The following ACAD11 variants were observed in gnomAD, a reference collection of about 807,000 sequenced individuals.
ACAD11 encodes acyl-Coenzyme A dehydrogenase family, member 11.
In ACAD11, 83 loss-of-function variants were observed where a neutral mutation model predicts 102.2. That is an observed-to-expected ratio of 0.81 (90% confidence interval 0.68 to 0.97). The LOEUF (loss-of-function observed/expected upper bound fraction) is 0.97, where lower values mean the gene tolerates loss of function less well. ACAD11 is among the 50% of genes least tolerant of loss of function. ACAD11 has a pLI of 0.00. For missense variants in ACAD11, 901 were observed against 951.7 expected (o/e 0.95, Z 0.70); for synonymous variants, 324 against 319.8 (o/e 1.01, Z -0.14).
intron 17 of ACAD11, among the ~76,000 whole-genome samples, chr3:132,574,036 G>T (rs1937456175): frequency 6.6e-6 from 1 of 152,172 alleles, no homozygotes. Flanking sequence ...GTGAAAACAG[G>T]CATATTTGTT....
At chr3:132,636,811 G>T (rs183612115) in intron 5 of ACAD11, among the ~76,000 whole-genome samples, 7 of 152,246 alleles carry the variant, frequency 4.6e-5, no homozygotes, top group Admixed American at 4.6e-4. Flanking sequence ...AATATAAAGA[G>T]AACTTTGAGG....
intron 11 of ACAD11, among the ~76,000 whole-genome samples, chr3:132,607,405 A>G (rs1938894833): frequency 6.6e-6 from 1 of 152,222 alleles, no homozygotes; most frequent in South Asian, 2.1e-4. Context: ...GCTAACTAGA[A>G]TAACCAGTTT....
chr3:132,567,702 C>G (rs892146386), intron 17 of ACAD11, among the ~76,000 whole-genome samples: 1 of 152,026 alleles, frequency 6.6e-6, no homozygotes, highest in Admixed American at 6.6e-5. Context: ...AAATGTATAT[C>G]AAATATAATG....
At chr3:132,578,528 T>G (rs532059749) in intron 15 of ACAD11, 1 of 157,602 alleles carries the variant, frequency 6.3e-6, no homozygotes, top group Non-Finnish European at 1.4e-5. Context: ...TGCTCTTCCT[T>G]AAATACAATC....
In ACAD11 at chr3:132,618,658, C is replaced by G. The variant is rs1468376261; in HGVS notation, c.1390G>C (p.Asp464His). ...CCTGGTGCTTGGCAGTTAAAGACAT[C>G]TGGAGCAAAAAAGCATTTTCCTGTT... is the stretch of plus-strand genomic sequence containing the variant. Reference protein sequence around the residue: ...EETGKCFFAPDVFNCQAPDTG... With the variant: ...EETGKCFFAPHVFNCQAPDTG... The change falls in exon 11 of 20, where the codon GAT (aspartate) becomes CAT (histidine). Residue 464 changes from aspartate to histidine, a missense_variant. Transcript: ENST00000264990. 2 of 1,605,290 alleles carry G rather than the reference C, an allele frequency of 1.2e-6. No individual in the cohort carries two copies. The highest frequency in any genetic ancestry group is 1.7e-6 in the Non-Finnish European group (2 of 1,176,670).
intron 13 of ACAD11, among the ~76,000 whole-genome samples, chr3:132,593,689 G>C (rs971334014): frequency 6.6e-6 from 1 of 152,182 alleles, no homozygotes; most frequent in Non-Finnish European, 1.5e-5. Flanking sequence ...TGGATTGTTT[G>C]AGTCTAGGAG....
chr3:132,588,870 C>A (rs1288508864), intron 13 of ACAD11, among the ~76,000 whole-genome samples: 1 of 152,082 alleles, frequency 6.6e-6, no homozygotes, highest in East Asian at 1.9e-4. Flanking sequence ...GAAATATGTC[C>A]TTTTGATTTT....
chr3:132,611,217 C>T (rs962703619), intron 11 of ACAD11, among the ~76,000 whole-genome samples: 8 of 152,032 alleles, frequency 5.3e-5, no homozygotes, highest in Non-Finnish European at 2.9e-5. Flanking sequence ...ATCAATGGGA[C>T]GTATCTCAAA....
chr3:132,639,372 C>G (rs1362655115), intron 5 of ACAD11, 120 bp downstream of exon 5: 15 of 971,838 alleles, frequency 1.5e-5, no homozygotes, highest in Non-Finnish European at 2.1e-5. Flanking sequence ...GACGACAGTC[C>G]TGAGCTGTAG....
intron 13 of ACAD11, chr3:132,597,406 A>C (rs925276449): frequency 2.6e-5 from 4 of 151,502 alleles, no homozygotes; most frequent in African/African-American, 4.8e-5. Flanking sequence ...ATATAGATGG[A>C]GTCTTGATGC....
At chr3:132,620,556 G>A (rs1426885962) in intron 9 of ACAD11, 4 of 152,202 alleles carry the variant, frequency 2.6e-5, no homozygotes, top group African/African-American at 9.6e-5. Context: ...AGATGGAATT[G>A]CACTTCCCAA....
At chr3:132,642,849 T>A in intron 2 of ACAD11, 47 bp from the exon 3 acceptor site, 2 of 1,572,370 alleles carry the variant, frequency 1.3e-6, no homozygotes, top group Non-Finnish European at 1.7e-6. Flanking sequence ...CTGATTTAAT[T>A]GTAATTAAAT....
intron 7 of ACAD11, among the ~76,000 whole-genome samples, chr3:132,629,964 T>C (rs1939972668): frequency 6.6e-6 from 1 of 152,010 alleles, no homozygotes; most frequent in Non-Finnish European, 1.5e-5. Flanking sequence ...AATAAAAAAA[T>C]CTTACTCATC....
chr3:132,656,413 T>C (rs975359419), intron 1 of ACAD11, among the ~76,000 whole-genome samples: 1 of 152,160 alleles, frequency 6.6e-6, no homozygotes. Context: ...TCATGTTGAG[T>C]TATTTTTCAA....
Position 132,639,608 on chromosome 3 carries a change from G to A in ACAD11, c.586C>T (p.Pro196Ser), listed in dbSNP as rs764113875. Residue 196 changes from proline (P) to serine (S), a missense_variant, in exon 5 of 20, where the codon CCT becomes TCT. Pro to Ser is a moderately conservative substitution (Grantham distance 74, BLOSUM62 -1). Coordinates refer to ENST00000264990, the MANE Select transcript of ACAD11 (RefSeq NM_032169.5). ...QYQAAAHQDI[P>S]AMQQLSEWLM... Reference sequence around the variant, plus strand: ...CACTCCGATAGCTGTTGCATGGCAGGGATGTCCTGATGAGCTGCAGCTTGA... The same window carrying A: ...CACTCCGATAGCTGTTGCATGGCAGAGATGTCCTGATGAGCTGCAGCTTGA... 8 of 1,613,482 alleles carry A rather than the reference G, an allele frequency of 5.0e-6. No homozygotes were observed. Among genetic ancestry groups the A allele is most frequent in the South Asian group, 4.4e-5 (4 of 90,908 alleles).
At chr3:132,574,436 C>T (rs1255880576) in intron 17 of ACAD11, among the ~76,000 whole-genome samples, 1 of 152,052 alleles carries the variant, frequency 6.6e-6, no homozygotes, top group Non-Finnish European at 1.5e-5. Flanking sequence ...CAAATTATTC[C>T]CAGGTGTAGT....
intron 17 of ACAD11, among the ~76,000 whole-genome samples, chr3:132,565,726 T>G (rs970328349): frequency 6.6e-6 from 1 of 152,176 alleles, no homozygotes; most frequent in Non-Finnish European, 1.5e-5. Context: ...ATGCCTTCTC[T>G]TCAGTAATGA....
At position 132,628,334 on chromosome 3, in the gene ACAD11, C is replaced by A; in HGVS notation, c.1070+6G>T. 1 of 1,605,916 alleles carries A rather than the reference C, an allele frequency of 6.2e-7. No homozygotes were observed. Among genetic ancestry groups the A allele is most frequent in the Non-Finnish European group, 8.5e-7 (1 of 1,174,674 alleles). On this transcript the variant is annotated splice_donor_region_variant and intron_variant, in intron 8 of 19. Coordinates refer to ENST00000264990, the MANE Select transcript of ACAD11 (RefSeq NM_032169.5). ...TTGAGTTAGCCAAGGAATCTGTTTT[C>A]CTTACCGTTTGGAGAGTTGTAGTCC...
intron 8 of ACAD11, chr3:132,627,036 G>C (rs1032154014): frequency 2.4e-6 from 1 of 408,868 alleles, no homozygotes; most frequent in African/African-American, 2.0e-5. Context: ...GCACTATTTG[G>C]GGAAAACATA....
Sources: gnomAD v4.1 joint callset for allele counts (sites outside exome capture counted in the v4.1 genomes callset) on GRCh38, gnomAD v4.1.1 for gene constraint, MANE v1.5 for transcripts, NCBI Gene and HGNC (gene_info 2026-07-23, HGNC 2026-07-21) for gene names.